Variants in CARS1 observed in about 807,000 individuals in gnomAD.
CARS1 encodes the protein cysteinyl-tRNA synthetase 1.
Under a neutral mutation model 106.2 loss-of-function variants are expected in CARS1, and 48 were observed. That is an observed-to-expected ratio of 0.45 (90% CI 0.36 to 0.57). The LOEUF (loss-of-function observed/expected upper bound fraction) is 0.57, where lower values mean the gene tolerates loss of function less well. CARS1 is among the 20% of genes least tolerant of loss of function. CARS1 has a pLI of 0.00. For synonymous variants in CARS1, 409 were observed against 403.4 expected (o/e 1.01, Z -0.17); for missense variants, 968 against 1,057.2 (o/e 0.92, Z 1.17).
chr11:3,027,042 C>CATTTTTTTA, intron 9 of CARS1: 1 of 442,322 alleles, frequency 2.3e-6, no homozygotes, highest in Non-Finnish European at 4.1e-6. Context: ...TCCTGTGACC[C>CATTTTTTTA]ATGCAGCTCC....
chr11:3,040,205 T>C lies in CARS1; in HGVS notation c.456-274A>G, dbSNP rs1475233131. 1.3e-5 allele frequency: 5 copies of C among 397,868 alleles called. No homozygotes were observed. The highest frequency in any genetic ancestry group is 2.3e-5 in the Non-Finnish European group (5 of 221,490). The allele number at this position is 397,868 out of a possible 1,614,324, so 24.6% of individuals were successfully genotyped here. On this transcript the variant is annotated intron_variant, in intron 4 of 22. Transcript: ENST00000380525. This position sits in a 1 kb window ranked among gnomAD's most constrained non-coding sequence, Gnocchi z 5.8. ...TAATATTTTCTTTTCTCTGGCTTCC[T>C]TTATCATTAGGAATACAGTATGTAA...
At chr11:3,026,590 C>T (rs1446335780) in intron 10 of CARS1, 86 bp downstream of exon 10, 20 of 1,442,414 alleles carry the variant, frequency 1.4e-5, no homozygotes, top group Middle Eastern at 4.9e-4. Context: ...GTGGGCTCAG[C>T]GCAGCCCCCG....
At chr11:3,010,237 C>T (rs1220124621) in intron 18 of CARS1, among the ~76,000 whole-genome samples, 3 of 152,248 alleles carry the variant, frequency 2.0e-5, no homozygotes, top group South Asian at 2.1e-4. Flanking sequence ...AGCGCCCTCC[C>T]GGGGCTGTGG....
rs1418114208 is a variant in CARS1, at chr11:3,004,927, G to A, written c.2217+439C>T. Reference sequence around the variant, plus strand: ...TTGAGACCAGCCTGACCAACATGGTGAAACCCCATCTCTACTAAAAAAATA... The same window carrying A: ...TTGAGACCAGCCTGACCAACATGGTAAAACCCCATCTCTACTAAAAAAATA... On this transcript the variant is annotated intron_variant, in intron 20 of 22. Transcript: ENST00000380525. This position sits in a 1 kb window ranked among gnomAD's most constrained non-coding sequence, Gnocchi z 5.2. Among the ~76,000 whole-genome samples the A allele has an allele frequency of 2.6e-5, 4 of 152,076 alleles. No individual in the cohort carries two copies. The highest frequency in any genetic ancestry group is 9.7e-5 in the African/African-American group (4 of 41,398).
chr11:3,056,016 T>C (rs1430595284), intron 1 of CARS1, among the ~76,000 whole-genome samples: 1 of 152,154 alleles, frequency 6.6e-6, no homozygotes, highest in Non-Finnish European at 1.5e-5. Flanking sequence ...GCCGCTTGGC[T>C]CTGGGACGGG....
chr11:3,013,070 A>C (rs555728408), intron 17 of CARS1, among the ~76,000 whole-genome samples: 2 of 147,230 alleles, frequency 1.4e-5, no homozygotes, highest in South Asian at 4.3e-4. Flanking sequence ...TTGTATTTTC[A>C]GTAGAGATGA....
Position 3,008,594 on chromosome 11 carries a change from A to G in CARS1, c.2069-1635T>C, listed in dbSNP as rs1277238203. The G allele has an allele frequency of 6.7e-6, 1 of 149,974 alleles. No individual in the cohort carries two copies. Among genetic ancestry groups the G allele is most frequent in the Non-Finnish European group, 1.5e-5 (1 of 67,602 alleles). The allele number at this position is 149,974 out of a possible 1,614,324, so 9.3% of individuals were successfully genotyped here. A position where few individuals can be genotyped will look rare whatever the true frequency, so the allele number is the denominator to read the frequency against. On this transcript the variant is annotated intron_variant, in intron 18 of 22. Coordinates refer to ENST00000380525, the MANE Select transcript of CARS1 (RefSeq NM_001014437.3). The surrounding 1 kb of genome is among the most constrained non-coding windows in gnomAD (Gnocchi z 5.1). Reference sequence around the variant, plus strand: ...AGATGACACCACTGCACTCCAGCCTAGCGACAGGGCAAGACTCCATCTCAA... The same window carrying G: ...AGATGACACCACTGCACTCCAGCCTGGCGACAGGGCAAGACTCCATCTCAA...
In CARS1 at chr11:3,046,996, G is replaced by A. The variant is rs1368131164; in HGVS notation, c.274+757C>T. On this transcript the variant is annotated intron_variant, in intron 2 of 22. Transcript: ENST00000380525. This position sits in a 1 kb window ranked among gnomAD's most constrained non-coding sequence, Gnocchi z 5.8. ...TCTGATTTTTAAAAAGTTCAATGCC[G>A]GCCGGGCGCGGTGGTTCACACTTGT... Among the ~76,000 whole-genome samples, 3 of 152,238 alleles carry A rather than the reference G, an allele frequency of 2.0e-5. No homozygotes were observed. Among genetic ancestry groups the A allele is most frequent in the Admixed American group, 6.5e-5 (1 of 15,298 alleles).
In CARS1 at chr11:3,026,807, AG is replaced by A; in HGVS notation, c.1032-11del. ...CCCATTGGAGACATAGCTGGAAAAC[AG>A]AAAAGGAATTGGGTGGGTGCATCTA... On this transcript the variant is annotated splice_polypyrimidine_tract_variant and intron_variant, in intron 9 of 22. Coordinates refer to ENST00000380525, the MANE Select transcript of CARS1 (RefSeq NM_001014437.3). The A allele has an allele frequency of 6.2e-7, 1 of 1,608,208 alleles. No homozygotes were observed.
In CARS1 at chr11:3,044,694, C is replaced by CAAGCAGAGTCTTTCCATGTCTGAGAGGA. The variant is rs1554978546; in HGVS notation, c.275-2439_275-2438insTCCTCTCAGACATGGAAAGACTCTGCTT. ...ACAGGTGTGAGCCACCGCGCCTGGC[C>CAAGCAGAGTCTTTCCATGTCTGAGAGGA]TGTGCTTTTGTTTCTTTGGAAAAAA... On this transcript the variant is annotated intron_variant, in intron 2 of 22. Transcript: ENST00000380525. The surrounding 1 kb of genome is among the most constrained non-coding windows in gnomAD (Gnocchi z 4.4). 2.0e-5 allele frequency among the ~76,000 whole-genome samples: 3 copies of CAAGCAGAGTCTTTCCATGTCTGAGAGGA among 152,164 alleles called. No individual in the cohort carries two copies. Among genetic ancestry groups the CAAGCAGAGTCTTTCCATGTCTGAGAGGA allele is most frequent in the African/African-American group, 2.4e-5 (1 of 41,432 alleles).
At position 3,038,817 on chromosome 11, in the gene CARS1, C is replaced by T. The variant is rs1854028112; in HGVS notation, c.651+377G>A. Reference sequence around the variant, plus strand: ...TTTACAGTATTACCAAATTAAAAAGCTTAGTATAGCTTTTGTATCTTGGGC... The same window carrying T: ...TTTACAGTATTACCAAATTAAAAAGTTTAGTATAGCTTTTGTATCTTGGGC... On this transcript the variant is annotated intron_variant, in intron 6 of 22. Coordinates refer to ENST00000380525, the MANE Select transcript of CARS1 (RefSeq NM_001014437.3). The surrounding 1 kb of genome is among the most constrained non-coding windows in gnomAD (Gnocchi z 4.0). 6.6e-6 allele frequency among the ~76,000 whole-genome samples: 1 copy of T among 152,160 alleles called. No homozygotes were observed. Among genetic ancestry groups the T allele is most frequent in the Admixed American group, 6.5e-5 (1 of 15,288 alleles).
intron 7 of CARS1, among the ~76,000 whole-genome samples, chr11:3,036,401 A>G (rs1334683659): frequency 6.6e-6 from 1 of 152,206 alleles, no homozygotes; most frequent in African/African-American, 2.4e-5. Context: ...GTCCACCTAG[A>G]GACAACACAA....
chr11:3,035,952 C>T lies in CARS1; in HGVS notation c.801+2098G>A, dbSNP rs547964251. 1.6e-4 allele frequency among the ~76,000 whole-genome samples: 25 copies of T among 152,326 alleles called. No individual in the cohort carries two copies. In the East Asian group the frequency reaches 4.4e-3, roughly 27 times the overall value. ...GGGAAACCCAGCTCTGTGGCAGCAG[C>T]CCCCAGTGGGCTGTTGAACAAACAC... On this transcript the variant is annotated intron_variant, in intron 7 of 22. Coordinates refer to ENST00000380525, the MANE Select transcript of CARS1 (RefSeq NM_001014437.3).
At position 3,037,064 on chromosome 11, in the gene CARS1, G is replaced by C. The variant is rs1047502535; in HGVS notation, c.801+986C>G. On this transcript the variant is annotated intron_variant, in intron 7 of 22. Coordinates refer to ENST00000380525, the MANE Select transcript of CARS1 (RefSeq NM_001014437.3). This position sits in a 1 kb window ranked among gnomAD's most constrained non-coding sequence, Gnocchi z 5.9. ...CTGGGAAAAAAATTACAGCAGCATTGTTGGTAAGAAGGAAACCTAACTGCC... is the reference window on the plus strand; with the variant it reads ...CTGGGAAAAAAATTACAGCAGCATTCTTGGTAAGAAGGAAACCTAACTGCC... Among the ~76,000 whole-genome samples, 2 of 152,062 alleles carry C rather than the reference G, an allele frequency of 1.3e-5. No homozygotes were observed. Among genetic ancestry groups the C allele is most frequent in the Non-Finnish European group, 2.9e-5 (2 of 68,020 alleles).
chr11:3,040,804 T>C lies in CARS1; in HGVS notation c.455+92A>G, dbSNP rs539598313. On this transcript the variant is annotated intron_variant, in intron 4 of 22. Coordinates refer to ENST00000380525, the MANE Select transcript of CARS1 (RefSeq NM_001014437.3). This position sits in a 1 kb window ranked among gnomAD's most constrained non-coding sequence, Gnocchi z 5.8. ...GGTCTCTGTAGCAGATCTAAGATCT[T>C]TGTGGACCTAAGATCGCTGCTGTGG... The C allele has an allele frequency of 1.0e-5, 13 of 1,300,278 alleles. No individual in the cohort carries two copies. The highest frequency in any genetic ancestry group is 2.0e-4 in the Middle Eastern group (1 of 5,128). The allele number at this position is 1,300,278 out of a possible 1,614,324, so 80.5% of individuals were successfully genotyped here. A position where few individuals can be genotyped will look rare whatever the true frequency, so the allele number is the denominator to read the frequency against.
At chr11:3,054,463 A>G (rs1855995842) in intron 1 of CARS1, among the ~76,000 whole-genome samples, 1 of 152,250 alleles carries the variant, frequency 6.6e-6, no homozygotes, top group South Asian at 2.1e-4. Context: ...TTCATAGAGG[A>G]GCAAACATTT....
rs1855024945 is a variant in CARS1, at chr11:3,045,856, T to A, written c.274+1897A>T. 6.6e-6 allele frequency among the ~76,000 whole-genome samples: 1 copy of A among 152,152 alleles called. No homozygotes were observed. The highest frequency in any genetic ancestry group is 1.5e-5 in the Non-Finnish European group (1 of 68,010). On this transcript the variant is annotated intron_variant, in intron 2 of 22. Coordinates refer to ENST00000380525, the MANE Select transcript of CARS1 (RefSeq NM_001014437.3). The surrounding 1 kb of genome is among the most constrained non-coding windows in gnomAD (Gnocchi z 5.6). ...CATGGAGGGAGATCCACAGCTACTG[T>A]CATCCCAGGGACATGGGCGAGGACA...
intron 18 of CARS1, among the ~76,000 whole-genome samples, 155 bp downstream of exon 18, chr11:3,012,040 G>A (rs1014006989): frequency 1.4e-4 from 22 of 152,240 alleles, no homozygotes; most frequent in African/African-American, 5.3e-4. Flanking sequence ...GGTGGGTCCA[G>A]GCCCGGGATG....
chr11:3,045,622 G>T lies in CARS1; in HGVS notation c.274+2131C>A, dbSNP rs1174672116. 1.3e-5 allele frequency among the ~76,000 whole-genome samples: 2 copies of T among 152,278 alleles called. No individual in the cohort carries two copies. The highest frequency in any genetic ancestry group is 4.8e-5 in the African/African-American group (2 of 41,566). On this transcript the variant is annotated intron_variant, in intron 2 of 22. Transcript: ENST00000380525. The surrounding 1 kb of genome is among the most constrained non-coding windows in gnomAD (Gnocchi z 5.6). ...GAGACAGGACACAGAAGGCACATGG[G>T]AGGAGCTGGTAACAGGCGGGCACAC... is the stretch of plus-strand genomic sequence containing the variant.
Sources: gnomAD v4.1 joint callset for allele counts (sites outside exome capture counted in the v4.1 genomes callset) on GRCh38, gnomAD v4.1.1 for gene constraint, Gnocchi (gnomAD v3.1) non-coding constraint, MANE v1.5 for transcripts, NCBI Gene and HGNC (gene_info 2026-07-23, HGNC 2026-07-21) for gene names.